SUMF1: variants seen among roughly 807,000 people sequenced by gnomAD.
SUMF1 encodes the protein sulfatase modifying factor 1.
A neutral mutation model predicts 47.6 loss-of-function variants in SUMF1; 48 were observed. The observed-to-expected ratio is 1.01, with a 90% CI of 0.80 to 1.28. SUMF1 has a LOEUF of 1.28. Ranked by LOEUF, SUMF1 falls within the 50% of genes most tolerant of loss-of-function variation. SUMF1 has a pLI of 0.00. For synonymous variants in SUMF1, 230 were observed against 192.1 expected, an observed-to-expected ratio of 1.20 and a Z score of -1.63; for missense variants, 571 against 485.4, an observed-to-expected ratio of 1.18 and a Z score of -1.66.
intron 8 of SUMF1, among the ~76,000 whole-genome samples, chr3:4,172,046 G>C (rs1694843499): frequency 6.6e-6 from 1 of 152,120 alleles, no homozygotes; most frequent in African/African-American, 2.4e-5. Context: ...CAAGAACTGA[G>C]GCAGAGACTG....
intron 3 of SUMF1, among the ~76,000 whole-genome samples, chr3:4,442,257 CTTTTT>C (rs35480700): frequency 7.1e-6 from 1 of 140,594 alleles, no homozygotes. Flanking sequence ...ACCATGAACT[CTTTTT>C]TTTTTTTTTT....
At chr3:4,211,941 C>T (rs1421074482) in intron 8 of SUMF1, among the ~76,000 whole-genome samples, 3 of 152,318 alleles carry the variant, frequency 2.0e-5, no homozygotes, top group Non-Finnish European at 2.9e-5. Context: ...CAGGGACTTA[C>T]AGATAAAACC....
intron 3 of SUMF1, among the ~76,000 whole-genome samples, chr3:4,433,476 C>CT (rs1253404605): frequency 3.9e-5 from 6 of 152,162 alleles, no homozygotes; most frequent in Admixed American, 3.3e-4. Flanking sequence ...AAGTGAACAA[C>CT]TACTCTTTTC....
In SUMF1 at chr3:4,215,164, C is replaced by A. The variant is rs62258068; in HGVS notation, c.1015-146419G>T. Reference sequence around the variant, plus strand: ...AAATCCTCAATAAAATACTGGCAAACCAAATCCAGCAGCACATGAAATGCT... The same window carrying A: ...AAATCCTCAATAAAATACTGGCAAAACAAATCCAGCAGCACATGAAATGCT... On this transcript the variant is annotated intron_variant and NMD_transcript_variant, in intron 8 of 12. Coordinates refer to the SUMF1 transcript ENST00000448413. Among the ~76,000 whole-genome samples the A allele has an allele frequency of 4.6e-3, 697 of 152,244 alleles. 1 individual carries two copies. The highest frequency in any genetic ancestry group is 6.7e-3 in the Non-Finnish European group (456 of 68,016).
At chr3:4,118,423 A>G (rs1693469114) in intron 8 of SUMF1, among the ~76,000 whole-genome samples, 1 of 152,140 alleles carries the variant, frequency 6.6e-6, no homozygotes, top group Non-Finnish European at 1.5e-5. Context: ...AGAGAAAAAA[A>G]TAAGAAAATC....
At chr3:4,161,630 G>C (rs1215381836) in intron 8 of SUMF1, among the ~76,000 whole-genome samples, 1 of 151,878 alleles carries the variant, frequency 6.6e-6, no homozygotes, top group East Asian at 1.9e-4. Flanking sequence ...TGTTCACTTA[G>C]GGCCCAACAG....
chr3:4,382,697 A>G (rs1700544827), intron 7 of SUMF1, among the ~76,000 whole-genome samples: 1 of 152,212 alleles, frequency 6.6e-6, no homozygotes, highest in African/African-American at 2.4e-5. Context: ...TGGACTGGAT[A>G]AAGAAAATGT....
chr3:4,407,839 T>C (rs892704476), intron 7 of SUMF1, among the ~76,000 whole-genome samples: 14 of 152,252 alleles, frequency 9.2e-5, no homozygotes, highest in African/African-American at 2.6e-4. Flanking sequence ...ATATAAAAAA[T>C]TGGAGTTTAA....
intron 8 of SUMF1, among the ~76,000 whole-genome samples, chr3:4,268,998 A>T (rs770410557): frequency 5.3e-5 from 8 of 152,140 alleles, no homozygotes; most frequent in Non-Finnish European, 1.2e-4. Flanking sequence ...GGTCTTAAAC[A>T]TATTTTTAAG....
rs117032021 is a variant in SUMF1 at position 4,046,813 on chromosome 3, A to G, written c.1191+21756T>C. On this transcript the variant is annotated intron_variant and NMD_transcript_variant, in intron 9 of 12. Coordinates refer to the SUMF1 transcript ENST00000448413. The stretch of plus-strand genomic sequence containing the variant: ...TTCTCATCCTCCAATAGCCTATTCT[A>G]TATACCATGGCAGAAGGATCTTTCA... Among the ~76,000 whole-genome samples the G allele has an allele frequency of 7.0e-4, 106 of 151,674 alleles. 1 individual carries two copies. In the East Asian group the frequency reaches 0.017, roughly 24 times the overall value.
intron 8 of SUMF1, among the ~76,000 whole-genome samples, chr3:4,296,537 G>A (rs1475521007): frequency 6.6e-6 from 1 of 152,124 alleles, no homozygotes; most frequent in Non-Finnish European, 1.5e-5. Flanking sequence ...CATCTTACCT[G>A]GCAGCAGGCA....
At chr3:4,369,420 C>G (rs1700100619) in intron 8 of SUMF1, among the ~76,000 whole-genome samples, 1 of 152,144 alleles carries the variant, frequency 6.6e-6, no homozygotes, top group Non-Finnish European at 1.5e-5. Context: ...CATGCAGGGC[C>G]TACTCGTCGG....
At chr3:4,172,244 C>T (rs953923172) in intron 8 of SUMF1, among the ~76,000 whole-genome samples, 1 of 152,052 alleles carries the variant, frequency 6.6e-6, no homozygotes, top group Non-Finnish European at 1.5e-5. Flanking sequence ...AAAGATGACT[C>T]CCAGATTTCC....
chr3:4,389,121 T>A lies in SUMF1; in HGVS notation c.955-12732A>T, dbSNP rs143130708. Among the ~76,000 whole-genome samples, 1,061 of 152,278 alleles carry A rather than the reference T, an allele frequency of 7.0e-3. 8 individuals are homozygous for A. Among genetic ancestry groups the A allele is most frequent in the Non-Finnish European group, 8.8e-3 (598 of 68,016 alleles). ...TTTCTTTCTGTTTAAGAACATTCCT[T>A]TAGCCATCCTTTTAGGATAGGCTGG... On this transcript the variant is annotated intron_variant, in intron 7 of 8. Transcript: ENST00000272902.
chr3:4,396,224 G>T (rs1431470521), intron 7 of SUMF1, among the ~76,000 whole-genome samples: 1 of 152,242 alleles, frequency 6.6e-6, no homozygotes, highest in Non-Finnish European at 1.5e-5. Context: ...CAGCATCATA[G>T]TCGGCCATTC....
intron 8 of SUMF1, among the ~76,000 whole-genome samples, chr3:4,271,522 C>G (rs1249527508): frequency 1.4e-5 from 2 of 146,368 alleles, no homozygotes; most frequent in Admixed American, 6.9e-5. Flanking sequence ...TAGATAGATA[C>G]AGAGAGGATC....
chr3:4,223,066 G>T (rs970357033), intron 8 of SUMF1, among the ~76,000 whole-genome samples: 3 of 152,080 alleles, frequency 2.0e-5, no homozygotes, highest in East Asian at 1.9e-4. Context: ...CAAGGAGACT[G>T]CAAGATATTT....
At chr3:4,178,894 T>C (rs776051638) in intron 8 of SUMF1, among the ~76,000 whole-genome samples, 22 of 151,854 alleles carry the variant, frequency 1.4e-4, no homozygotes, top group Non-Finnish European at 2.6e-4. Flanking sequence ...CAGTAAACCA[T>C]TAACAGACAA....
At chr3:4,462,872 ACATT>A (rs763546776) in intron 1 of SUMF1, among the ~76,000 whole-genome samples, 25 of 152,340 alleles carry the variant, frequency 1.6e-4, no homozygotes, top group Non-Finnish European at 3.4e-4. Flanking sequence ...AGATGAAATG[ACATT>A]CAAAGTTTCT....
Sources: gnomAD v4.1 joint callset for allele counts (sites outside exome capture counted in the v4.1 genomes callset) on GRCh38, gnomAD v4.1.1 for gene constraint, MANE v1.5 for transcripts, NCBI Gene and HGNC (gene_info 2026-07-23, HGNC 2026-07-21) for gene names.